The following SLC36A1 variants were observed in gnomAD, a reference collection of about 807,000 sequenced individuals.
SLC36A1 encodes the protein solute carrier family 36 member 1.
A neutral mutation model predicts 47.5 loss-of-function variants in SLC36A1; 30 were observed. The ratio of observed to expected loss-of-function variants is 0.63; its 90% CI spans 0.47 to 0.86. The LOEUF is 0.86. Ranked by LOEUF, SLC36A1 falls within the 40% of genes least tolerant of loss-of-function variation. The pLI, the probability that SLC36A1 is intolerant of heterozygous loss-of-function variation, is 0.00. For synonymous variants in SLC36A1, 255 were observed against 249.7 expected, an observed-to-expected ratio of 1.02 and a Z score of -0.20; for missense variants, 517 against 606.0, an observed-to-expected ratio of 0.85 and a Z score of 1.54.
upstream of SLC36A1, among the ~76,000 whole-genome samples, chr5:151,433,349 C>T (rs1759567143): frequency 8.2e-6 from 1 of 122,626 alleles, no homozygotes; most frequent in Non-Finnish European, 1.6e-5. Flanking sequence ...AATGGCAGGC[C>T]ATTGGCTCAC....
At chr5:151,455,120 C>A (rs908950797) in intron 1 of SLC36A1, among the ~76,000 whole-genome samples, 1 of 152,128 alleles carries the variant, frequency 6.6e-6, no homozygotes, top group African/African-American at 2.4e-5. Context: ...CCATGTGTAA[C>A]ATCTAGCATG....
the SLC36A1 span, among the ~76,000 whole-genome samples, chr5:151,534,814 T>C: frequency 2.0e-5 from 3 of 151,468 alleles, no homozygotes; most frequent in Non-Finnish European, 4.4e-5. Context: ...ATACCCATTC[T>C]CCTCCCTGAT....
chr5:151,359,029 C>A, the SLC36A1 span, among the ~76,000 whole-genome samples: 2 of 151,282 alleles, frequency 1.3e-5, no homozygotes, highest in Non-Finnish European at 2.9e-5. Context: ...CAAGTCCCAC[C>A]CCGGAGTGTT....
At chr5:151,462,614 T>C (rs1755691926) in intron 2 of SLC36A1, among the ~76,000 whole-genome samples, 2 of 151,798 alleles carry the variant, frequency 1.3e-5, no homozygotes, top group South Asian at 4.2e-4. Context: ...CTGCCCGCCT[T>C]GGCCTCCCAA....
intron 1 of SLC36A1, among the ~76,000 whole-genome samples, chr5:151,452,896 C>T (rs372565508): frequency 1.0e-4 from 15 of 145,354 alleles, no homozygotes; most frequent in African/African-American, 3.6e-4. Flanking sequence ...GACAAAAAGA[C>T]AAAAACAACA....
the SLC36A1 span, chr5:151,527,378 C>A: frequency 1.3e-6 from 2 of 1,597,760 alleles, no homozygotes; most frequent in South Asian, 1.1e-5. Context: ...AACTAGAGGC[C>A]TATTGCAAAA....
At chr5:151,417,919 G>A in the SLC36A1 span, among the ~76,000 whole-genome samples, 1 of 152,208 alleles carries the variant, frequency 6.6e-6, no homozygotes, top group African/African-American at 2.4e-5. Context: ...AGGGTAAAAT[G>A]GTTTTGTGGG....
At chr5:151,527,157 G>T in the SLC36A1 span, 1 of 1,414,976 alleles carries the variant, frequency 7.1e-7, no homozygotes, top group Non-Finnish European at 9.7e-7. Flanking sequence ...GTGGACTAAT[G>T]CCACTGAGGG....
intron 1 of SLC36A1, among the ~76,000 whole-genome samples, chr5:151,450,625 G>C (rs1753514180): frequency 6.6e-6 from 1 of 152,204 alleles, no homozygotes; most frequent in East Asian, 1.9e-4. Context: ...CCAGTTTTGT[G>C]ATTACTTTGT....
the SLC36A1 span, among the ~76,000 whole-genome samples, chr5:151,547,712 C>T: frequency 1.3e-5 from 2 of 152,132 alleles, no homozygotes; most frequent in East Asian, 3.8e-4. Context: ...AAGTCAACAA[C>T]CTACATGTGA....
chr5:151,485,355 T>A (rs1759373973), intron 10 of SLC36A1, among the ~76,000 whole-genome samples: 1 of 152,198 alleles, frequency 6.6e-6, no homozygotes, highest in Non-Finnish European at 1.5e-5. Context: ...AGACTCGATA[T>A]CCTTGTACCC....
chr5:151,551,458 G>T, the SLC36A1 span: 1 of 1,613,446 alleles, frequency 6.2e-7, no homozygotes, highest in Non-Finnish European at 8.5e-7. Context: ...CCCAGCCGAG[G>T]CCTCTAACCT....
chr5:151,546,423 AC>A, the SLC36A1 span: 32 of 1,021,042 alleles, frequency 3.1e-5, no homozygotes, highest in Non-Finnish European at 5.7e-6. Context: ...GGTCTATCAC[AC>A]AAAACCTGGA....
the SLC36A1 span, chr5:151,544,532 C>G: frequency 3.7e-6 from 6 of 1,613,730 alleles, no homozygotes; most frequent in Admixed American, 8.3e-5. Context: ...CGGAGTCCCT[C>G]TGGACTCCGG....
chr5:151,540,092 G>T, the SLC36A1 span, among the ~76,000 whole-genome samples: 1 of 152,238 alleles, frequency 6.6e-6, no homozygotes, highest in Non-Finnish European at 1.5e-5. Flanking sequence ...ATTGGGCATG[G>T]CTGGCTGTAT....
chr5:151,410,700 A>G, the SLC36A1 span, among the ~76,000 whole-genome samples: 1,199 of 144,912 alleles, frequency 8.3e-3, 154 homozygotes, highest in East Asian at 0.038. Context: ...TGATGGTCAC[A>G]TAACTTTTAA....
intron 8 of SLC36A1, among the ~76,000 whole-genome samples, chr5:151,474,169 A>AG: frequency 7.4e-6 from 1 of 135,532 alleles, no homozygotes; most frequent in Non-Finnish European, 1.5e-5. Flanking sequence ...CAAAAAAAAA[A>AG]AAAAAAAAAA....
upstream of SLC36A1, among the ~76,000 whole-genome samples, chr5:151,445,010 A>G (rs1752838950): frequency 6.6e-6 from 1 of 151,940 alleles, no homozygotes; most frequent in African/African-American, 2.4e-5. Context: ...GAGGGTGGGT[A>G]TCCTTGACTG....
the SLC36A1 span, among the ~76,000 whole-genome samples, chr5:151,354,618 G>C: frequency 6.6e-6 from 1 of 152,194 alleles, no homozygotes; most frequent in Non-Finnish European, 1.5e-5. Flanking sequence ...CTGGGGCCCT[G>C]TCCCTCAGCG....
Sources: gnomAD v4.1 joint callset for allele counts (sites outside exome capture counted in the v4.1 genomes callset) on GRCh38, gnomAD v4.1.1 for gene constraint, MANE v1.5 for transcripts, NCBI Gene and HGNC (gene_info 2026-07-23, HGNC 2026-07-21) for gene names.